Variants in TTC3 observed in about 807,000 individuals in gnomAD.
The protein encoded by TTC3 is tetratricopeptide repeat domain 3.
TTC3 carries 180 observed loss-of-function variants against 249.6 expected under a neutral mutation model. The observed-to-expected ratio is 0.72, with a 90% CI of 0.64 to 0.82. TTC3 has a LOEUF of 0.82. Among genes scored for constraint, TTC3 ranks in the 40% least tolerant of loss-of-function variants. The pLI is 0.00. For synonymous variants in TTC3, 717 were observed against 805.0 expected (o/e 0.89, Z 1.85); for missense variants, 2,061 against 2,398.4 (o/e 0.86, Z 2.94).
At chr21:37,085,761 T>G (rs2072382285) in intron 1 of TTC3, 1 of 152,178 alleles carries the variant, frequency 6.6e-6, no homozygotes, top group Non-Finnish European at 1.5e-5. Flanking sequence ...GCTGGGATGA[T>G]GATAGAATTT....
intron 39 of TTC3, among the ~76,000 whole-genome samples, chr21:37,189,376 G>C (rs2083714127): frequency 6.6e-6 from 1 of 152,028 alleles, no homozygotes; most frequent in Admixed American, 6.6e-5. Flanking sequence ...CTCCCGAGTA[G>C]CTGGGATTAC....
chr21:37,125,011 TTG>T (rs2076943127), intron 14 of TTC3, among the ~76,000 whole-genome samples: 1 of 152,242 alleles, frequency 6.6e-6, no homozygotes, highest in African/African-American at 2.4e-5. Flanking sequence ...CCGCTTCTCT[TTG>T]TATCTTTTCC....
rs775959985 is a variant in TTC3 at position 37,147,617 on chromosome 21, G to A, written c.2016+14G>A. 3.2e-6 allele frequency: 5 copies of A among 1,577,744 alleles called. No homozygotes were observed. Among genetic ancestry groups the A allele is most frequent in the Non-Finnish European group, 4.3e-6 (5 of 1,168,220 alleles). ...CCAGACTTTAAGGTAAATAATGAGT[G>A]TACAGTGGGACATTAACTTGCAAAA... On this transcript the variant is annotated intron_variant, in intron 22 of 45. Coordinates refer to ENST00000355666, the Ensembl canonical transcript of TTC3.
intron 35 of TTC3, among the ~76,000 whole-genome samples, chr21:37,179,533 C>T (rs560838618): frequency 2.0e-5 from 3 of 152,244 alleles, no homozygotes; most frequent in South Asian, 2.1e-4. Context: ...CTAAGAAACC[C>T]GTCTACTTCA....
In TTC3 at chr21:37,088,321, C is replaced by T. The variant is rs576434530; in HGVS notation, c.313C>T (p.Arg105Ter). Residue 105 changes from arginine to a stop codon, truncating the protein, a stop_gained, in exon 4 of 46, where the codon CGA (arginine) becomes TGA (stop). Transcript: ENST00000355666. LOFTEE classifies it high-confidence loss of function. Reference sequence around the variant, plus strand: ...ACATCAAAACAGTTCCGTAATATCACGATTGCATCCCTGTGTGGACGCCAA... The same window carrying T: ...ACATCAAAACAGTTCCGTAATATCATGATTGCATCCCTGTGTGGACGCCAA... 1.5e-5 allele frequency: 24 copies of T among 1,612,816 alleles called. No individual in the cohort carries two copies. The South Asian group carries it at 1.8e-4, about 12-fold the overall frequency.
chr21:37,121,919 G>A, exon 12 of TTC3: 1 of 1,612,752 alleles, frequency 6.2e-7, no homozygotes, highest in Non-Finnish European at 8.5e-7. Flanking sequence ...TGACCCTGAG[G>A]GAATCAAGGA....
In TTC3 at chr21:37,091,286, G is replaced by T; in HGVS notation, c.481-7G>T. 4 of 1,605,744 alleles carry T rather than the reference G, an allele frequency of 2.5e-6. No homozygotes were observed. Among genetic ancestry groups the T allele is most frequent in the Non-Finnish European group, 3.4e-6 (4 of 1,177,528 alleles). ...AAGCCCCATTCTTCATTTCTCTTTT[G>T]AAACAGAAAATCTTGGCAATGGAAG... On this transcript the variant is annotated splice_polypyrimidine_tract_variant and splice_region_variant and intron_variant, in intron 6 of 45. Transcript: ENST00000355666.
chr21:37,112,353 G>C (rs1230308534), intron 11 of TTC3, among the ~76,000 whole-genome samples: 1 of 152,148 alleles, frequency 6.6e-6, no homozygotes, highest in Non-Finnish European at 1.5e-5. Flanking sequence ...ACATGACAAA[G>C]GGGGGATCAT....
intron 45 of TTC3, among the ~76,000 whole-genome samples, chr21:37,200,608 G>A (rs1035317638): frequency 7.2e-5 from 11 of 152,174 alleles, no homozygotes; most frequent in African/African-American, 2.7e-4. Context: ...TCCTTGAAAG[G>A]TGATTTCTTA....
chr21:37,184,851 ATC>A (rs758780420), intron 36 of TTC3, among the ~76,000 whole-genome samples: 5 of 151,988 alleles, frequency 3.3e-5, no homozygotes, highest in South Asian at 2.1e-4. Context: ...AACTTTTTGG[ATC>A]TCTTTCTCAG....
chr21:37,173,622 A>C (rs2081994764), intron 35 of TTC3, among the ~76,000 whole-genome samples: 1 of 152,252 alleles, frequency 6.6e-6, no homozygotes, highest in Non-Finnish European at 1.5e-5. Context: ...AATTTGTTCC[A>C]GAAGTCTGGA....
At chr21:37,124,833 T>C in intron 14 of TTC3, 91 bp downstream of exon 14, 2 of 1,455,112 alleles carry the variant, frequency 1.4e-6, no homozygotes, top group Non-Finnish European at 1.9e-6. Flanking sequence ...AACCAAATTT[T>C]TGGCGATTTG....
In TTC3 at chr21:37,167,397, T is replaced by C. The variant is rs551311332; in HGVS notation, c.4402-158T>C. Among the ~76,000 whole-genome samples the C allele has an allele frequency of 1.1e-3, 168 of 152,180 alleles. 1 individual carries two copies. The highest frequency in any genetic ancestry group is 3.6e-3 in the African/African-American group (150 of 41,526). ...CAGATATGCTAATTCTAAATAACTT[T>C]CCTAATATACATGTTTACGGAAAGC... On this transcript the variant is annotated intron_variant, in intron 33 of 45. Coordinates refer to ENST00000355666, the Ensembl canonical transcript of TTC3.
exon 15 of TTC3, chr21:37,126,094 G>A (rs753187661): frequency 3.7e-6 from 6 of 1,608,296 alleles, no homozygotes; most frequent in South Asian, 2.2e-5. Flanking sequence ...CGGATGAGGC[G>A]TTGAAGGTAG....
chr21:37,077,869 G>C (rs2071116490), intron 1 of TTC3, among the ~76,000 whole-genome samples: 1 of 152,014 alleles, frequency 6.6e-6, no homozygotes, highest in East Asian at 1.9e-4. Flanking sequence ...GGTGTATTTT[G>C]GTGAACAGAA....
At chr21:37,182,562 C>T (rs569810068) in intron 35 of TTC3, among the ~76,000 whole-genome samples, 4 of 152,142 alleles carry the variant, frequency 2.6e-5, no homozygotes, top group Non-Finnish European at 4.4e-5. Flanking sequence ...ATCAGGTACA[C>T]GTAGCGGGTA....
chr21:37,074,623 C>G (rs957754247), intron 1 of TTC3, among the ~76,000 whole-genome samples: 1 of 151,904 alleles, frequency 6.6e-6, no homozygotes, highest in Admixed American at 6.6e-5. Flanking sequence ...CGGAGAGAGC[C>G]TTTTCCTTAT....
At chr21:37,182,455 C>G (rs1935201977) in intron 35 of TTC3, among the ~76,000 whole-genome samples, 1 of 152,234 alleles carries the variant, frequency 6.6e-6, no homozygotes, top group African/African-American at 2.4e-5. Flanking sequence ...CTAAAACATG[C>G]ATACACTCCC....
chr21:37,093,096 C>T (rs190009786), intron 7 of TTC3, among the ~76,000 whole-genome samples: 3 of 152,106 alleles, frequency 2.0e-5, no homozygotes, highest in African/African-American at 2.4e-5. Flanking sequence ...AGGAAATGCT[C>T]GCTGGGCGCG....
Sources: gnomAD v4.1 joint callset for allele counts (sites outside exome capture counted in the v4.1 genomes callset) on GRCh38, gnomAD v4.1.1 for gene constraint, MANE v1.5 for transcripts, NCBI Gene and HGNC (gene_info 2026-07-23, HGNC 2026-07-21) for gene names.